The following TSHR variants were observed in gnomAD, a reference collection of about 807,000 sequenced individuals.
TSHR encodes the protein thyroid stimulating hormone receptor, also known as thyrotropin receptor.
In TSHR, 51 loss-of-function variants were observed where a neutral mutation model predicts 64.1. The observed-to-expected ratio is 0.80, with a 90% CI of 0.64 to 1.01. The LOEUF (loss-of-function observed/expected upper bound fraction) is 1.01. Ranked by LOEUF, TSHR falls within the 50% of genes least tolerant of loss-of-function variation. The probability of loss-of-function intolerance (pLI) is 0.00; values close to 1 mark genes in which losing one functional copy is unlikely to be tolerated. For synonymous variants in TSHR, 361 were observed against 361.9 expected (o/e 1.00, Z 0.03); for missense variants, 877 against 942.8 (o/e 0.93, Z 0.91).
intron 7 of TSHR, chr14:81,104,528 G>C: frequency 1.0e-6 from 1 of 985,424 alleles, no homozygotes; most frequent in Non-Finnish European, 1.2e-6. Context: ...ACCTGGTATA[G>C]AGGGTGCCTC....
At chr14:81,017,864 C>G (rs1245493113) in intron 1 of TSHR, among the ~76,000 whole-genome samples, 1 of 145,546 alleles carries the variant, frequency 6.9e-6, no homozygotes, top group South Asian at 2.1e-4. Flanking sequence ...GAGTGTCACT[C>G]TGTCGCCCAG....
intron 1 of TSHR, chr14:80,982,623 C>A: frequency 9.2e-7 from 1 of 1,090,414 alleles, no homozygotes; most frequent in Non-Finnish European, 1.2e-6. Flanking sequence ...AAAAATAGGC[C>A]CAAGGACTGG....
In TSHR at chr14:81,145,187, A is replaced by T; in HGVS notation, c.*834A>T. The T allele has an allele frequency of 4.3e-6, 1 of 233,158 alleles. No homozygotes were observed. The highest frequency in any genetic ancestry group is 8.5e-6 in the Non-Finnish European group (1 of 117,974). 14.4% of individuals were successfully genotyped at this position (233,158 alleles called of 1,614,324 possible). On this transcript the variant is annotated 3_prime_UTR_variant, in exon 10 of 10. Transcript: ENST00000298171. ...TGTTGATTAATAAAACAGGCTGGAC[A>T]CTAATTAACTATGGGACTTAAATCT...
chr14:81,143,075 A>T lies in TSHR; in HGVS notation c.1017A>T (p.Glu339Asp). 1 of 1,614,196 alleles carries T rather than the reference A, an allele frequency of 6.2e-7. No homozygotes were observed. The highest frequency in any genetic ancestry group is 8.5e-7 in the Non-Finnish European group (1 of 1,180,038). ...NLGDSIVGYK[E>D]KSKFQDTHNN... ...GTGACAGCATTGTTGGGTACAAGGA[A>T]AAGTCCAAGTTCCAGGATACTCATA... is the stretch of plus-strand genomic sequence containing the variant. Residue 339 changes from glutamate (E) to aspartate (D), a missense_variant, in exon 10 of 10, where the codon GAA becomes GAT. Coordinates refer to ENST00000298171, the MANE Select transcript of TSHR (RefSeq NM_000369.5).
At chr14:81,037,147 A>C (rs1037343162) in intron 1 of TSHR, among the ~76,000 whole-genome samples, 1 of 152,102 alleles carries the variant, frequency 6.6e-6, no homozygotes, top group African/African-American at 2.4e-5. Flanking sequence ...GTCTCAAAAA[A>C]AAAATGTTTT....
intron 1 of TSHR, among the ~76,000 whole-genome samples, chr14:81,007,446 T>C (rs1164461784): frequency 6.6e-6 from 1 of 152,204 alleles, no homozygotes; most frequent in African/African-American, 2.4e-5. Context: ...AGAATGTCCC[T>C]CAATTGGGAT....
intron 8 of TSHR, among the ~76,000 whole-genome samples, chr14:81,129,459 C>T (rs1259814496): frequency 1.3e-5 from 2 of 152,208 alleles, no homozygotes; most frequent in Non-Finnish European, 2.9e-5. Context: ...TCTAACCACC[C>T]ACCTGCTGCA....
chr14:81,061,063 A>G (rs1391963140), intron 1 of TSHR, among the ~76,000 whole-genome samples: 1 of 152,172 alleles, frequency 6.6e-6, no homozygotes, highest in Non-Finnish European at 1.5e-5. Context: ...AGATGTCTTA[A>G]GATTCTGAGG....
intron 3 of TSHR, among the ~76,000 whole-genome samples, chr14:81,073,464 C>G (rs777208084): frequency 1.3e-5 from 2 of 151,866 alleles, no homozygotes; most frequent in Admixed American, 1.3e-4. Context: ...TAAAATTGAC[C>G]ACATGTGGGG....
Position 81,144,344 on chromosome 14 carries a change from G to A in TSHR, c.2286G>A (p.Thr762=), listed in dbSNP as rs750597821. ...AAATCTCAGAAGAGTATATGCAAAC[G>A]GTTTTGTAAGTTAACACTACACTAC... ...QGQISEEYMQ[T]VL Residue 762 remains threonine (T), a synonymous_variant, in exon 10 of 10, where the codon ACG becomes ACA. Transcript: ENST00000298171. 38 of 1,613,942 alleles carry A rather than the reference G, an allele frequency of 2.4e-5. No homozygotes were observed. The highest frequency in any genetic ancestry group is 2.8e-5 in the Non-Finnish European group (33 of 1,180,024).
At chr14:81,057,599 T>C (rs1168744624) in intron 1 of TSHR, among the ~76,000 whole-genome samples, 1 of 152,206 alleles carries the variant, frequency 6.6e-6, no homozygotes, top group East Asian at 1.9e-4. Context: ...TATACTCACA[T>C]AGAATAGTTC....
At chr14:81,123,935 T>C (rs908223383) in intron 8 of TSHR, among the ~76,000 whole-genome samples, 3 of 152,192 alleles carry the variant, frequency 2.0e-5, no homozygotes, top group Non-Finnish European at 4.4e-5. Context: ...GAAAGAGAAG[T>C]GCTTGGTGTT....
chr14:80,976,878 C>A (rs1038576914), intron 1 of TSHR, among the ~76,000 whole-genome samples: 1 of 152,198 alleles, frequency 6.6e-6, no homozygotes, highest in Non-Finnish European at 1.5e-5. Flanking sequence ...GGTTCCCAGA[C>A]CAATATATTC....
intron 1 of TSHR, among the ~76,000 whole-genome samples, chr14:80,965,027 A>G (rs1386100816): frequency 3.3e-5 from 5 of 152,254 alleles, no homozygotes. Flanking sequence ...GTCCAGGGGA[A>G]GAAGAAGAGA....
intron 2 of TSHR, among the ~76,000 whole-genome samples, chr14:81,064,301 G>A (rs74485690): frequency 1.3e-5 from 2 of 152,050 alleles, no homozygotes; most frequent in East Asian, 1.9e-4. Context: ...AAATAAGGGA[G>A]GGCTGATCAA....
chr14:81,108,298 A>G lies in TSHR; in HGVS notation c.615-77A>G, dbSNP rs548179295. The G allele has an allele frequency of 4.3e-4, 503 of 1,176,230 alleles. 6 individuals are homozygous for G. In the South Asian group the frequency reaches 6.1e-3, roughly 14 times the overall value. 72.9% of individuals were successfully genotyped at this position (1,176,230 alleles called of 1,614,324 possible). ...AATACTATGGTCACATTTTATTCTGATATTTGTACTAATTTGATGTGATTT... is the reference window on the plus strand; with the variant it reads ...AATACTATGGTCACATTTTATTCTGGTATTTGTACTAATTTGATGTGATTT... On this transcript the variant is annotated intron_variant, in intron 7 of 9. Coordinates refer to ENST00000298171, the MANE Select transcript of TSHR (RefSeq NM_000369.5).
intron 1 of TSHR, chr14:80,982,253 G>A: frequency 1.5e-6 from 1 of 683,828 alleles, no homozygotes; most frequent in South Asian, 2.4e-5. Context: ...GGAGATTTCA[G>A]TCCCGAGGCT....
At chr14:81,063,762 G>A (rs930592890) in intron 2 of TSHR, among the ~76,000 whole-genome samples, 1 of 152,042 alleles carries the variant, frequency 6.6e-6, no homozygotes, top group African/African-American at 2.4e-5. Context: ...AGAGTGATGA[G>A]TATCATGATG....
At chr14:81,066,296 T>C (rs1886604243) in intron 2 of TSHR, among the ~76,000 whole-genome samples, 1 of 152,206 alleles carries the variant, frequency 6.6e-6, no homozygotes, top group South Asian at 2.1e-4. Context: ...CCTTGAAAAA[T>C]GAATCTTGCT....
Sources: allele counts gnomAD v4.1 joint callset (sites outside exome capture counted in the v4.1 genomes callset), GRCh38; gene constraint gnomAD v4.1.1; transcripts MANE v1.5; gene names NCBI Gene and HGNC (gene_info 2026-07-23, HGNC 2026-07-21).